SIGLEC15: variants seen among roughly 807,000 people sequenced by gnomAD.
SIGLEC15 encodes sialic acid-binding Ig-like lectin 15.
In SIGLEC15, 31 loss-of-function variants were observed where a neutral mutation model predicts 26.2. The observed-to-expected ratio is 1.18, with a 90% CI of 0.89 to 1.60. The LOEUF is 1.60. Ranked by LOEUF, SIGLEC15 falls within the 40% of genes most tolerant of loss-of-function variation. The pLI is 0.00. For missense variants in SIGLEC15, 501 were observed against 488.4 expected (o/e 1.03, Z -0.24); for synonymous variants, 207 against 221.9 (o/e 0.93, Z 0.60).
intron 5 of SIGLEC15, 82 bp downstream of exon 5, chr18:45,840,323 A>G: frequency 6.8e-7 from 1 of 1,474,778 alleles, no homozygotes; most frequent in Non-Finnish European, 9.3e-7. Flanking sequence ...AGGAGAAGGA[A>G]TAAATGGCAA....
intron 1 of SIGLEC15, among the ~76,000 whole-genome samples, chr18:45,827,725 A>G (rs866073636): frequency 2.6e-5 from 4 of 152,194 alleles, no homozygotes; most frequent in African/African-American, 9.6e-5. Flanking sequence ...ACGATAAATA[A>G]TGGCCATGAA....
intron 1 of SIGLEC15, among the ~76,000 whole-genome samples, chr18:45,836,466 C>T (rs2048276981): frequency 1.3e-5 from 2 of 152,090 alleles, no homozygotes; most frequent in Admixed American, 1.3e-4. Context: ...CCACCCCTGG[C>T]CTTATCCTCT....
At position 45,837,768 on chromosome 18, in the gene SIGLEC15, A is replaced by G; in HGVS notation, c.368A>G (p.Asn123Ser). 1.3e-6 allele frequency: 2 copies of G among 1,522,980 alleles called. No individual in the cohort carries two copies. Among genetic ancestry groups the G allele is most frequent in the Middle Eastern group, 4.4e-4 (2 of 4,544 alleles). 94.3% of individuals were successfully genotyped at this position (1,522,980 alleles called of 1,614,324 possible). The change falls in exon 3 of 6, where the codon AAC becomes AGC. Residue 123 changes from asparagine (N) to serine (S), a missense_variant. By Grantham distance (46) the Asn-to-Ser change is conservative (BLOSUM62 1). Transcript: ENST00000389474. Reference sequence around the variant, plus strand: ...CGGCTGCTGGGCAACCCGCGCCGCAACGACCTCTCGCTGCGCGTCGAGCGC... The same window carrying G: ...CGGCTGCTGGGCAACCCGCGCCGCAGCGACCTCTCGCTGCGCGTCGAGCGC... The part of the protein sequence containing the change: ...RFRLLGNPRR[N>S]DLSLRVERLA...
intron 5 of SIGLEC15, among the ~76,000 whole-genome samples, chr18:45,840,517 A>C (rs140370595): frequency 2.0e-5 from 3 of 152,298 alleles, no homozygotes; most frequent in African/African-American, 7.2e-5. Flanking sequence ...TTGAACAGGC[A>C]GATTCATACA....
intron 1 of SIGLEC15, among the ~76,000 whole-genome samples, chr18:45,836,298 C>T (rs2048275504): frequency 6.6e-6 from 1 of 152,136 alleles, no homozygotes; most frequent in African/African-American, 2.4e-5. Flanking sequence ...CTTTGAGGGT[C>T]ACATGACATG....
Position 45,837,634 on chromosome 18 carries a change from G to A in SIGLEC15, c.234G>A (p.Thr78=), listed in dbSNP as rs963231398. ...ACCGCCACTACGACGGGCCGCTGAC[G>A]GCCATCTGGCGCGCGGGCGAGCCCT... is the stretch of plus-strand genomic sequence containing the variant. ...HPHRHYDGPL[T]AIWRAGEPYA... Residue 78 remains threonine, a synonymous_variant, in exon 3 of 6, where the codon ACG becomes ACA. Coordinates refer to ENST00000389474, the MANE Select transcript of SIGLEC15 (RefSeq NM_213602.3). 8.0e-6 allele frequency: 12 copies of A among 1,507,412 alleles called. No homozygotes were observed. The highest frequency in any genetic ancestry group is 1.4e-5 in the African/African-American group (1 of 69,172). 93.4% of individuals were successfully genotyped at this position (1,507,412 alleles called of 1,614,324 possible).
At chr18:45,834,630 C>A (rs571933852) in intron 1 of SIGLEC15, among the ~76,000 whole-genome samples, 3 of 152,346 alleles carry the variant, frequency 2.0e-5, no homozygotes, top group Admixed American at 1.3e-4. Flanking sequence ...TATGTGCCTA[C>A]AAATCTGTCT....
intron 1 of SIGLEC15, among the ~76,000 whole-genome samples, chr18:45,832,862 CCACCCT>C (rs2048246716): frequency 6.6e-6 from 1 of 152,162 alleles, no homozygotes; most frequent in Non-Finnish European, 1.5e-5. Flanking sequence ...TGAGTCTTTC[CCACCCT>C]CACCCTGAGT....
intron 5 of SIGLEC15, 55 bp downstream of exon 5, chr18:45,840,296 AC>A: frequency 6.4e-7 from 1 of 1,558,812 alleles, no homozygotes; most frequent in Admixed American, 1.9e-5. Context: ...AGTCCTCATC[AC>A]CCAGGGGGTC....
Position 45,837,695 on chromosome 18 carries a change from C to G in SIGLEC15, c.295C>G (p.Arg99Gly), listed in dbSNP as rs764586239. 1.4e-6 allele frequency: 2 copies of G among 1,476,492 alleles called. No individual in the cohort carries two copies. Among genetic ancestry groups the G allele is most frequent in the Non-Finnish European group, 1.8e-6 (2 of 1,123,564 alleles). The allele number at this position is 1,476,492 out of a possible 1,614,324, so 91.5% of individuals were successfully genotyped here. A position where few individuals can be genotyped will look rare whatever the true frequency, so the allele number is the denominator to read the frequency against. ...GPQVFRCAAA[R>G]GSELCQTALS... is the part of the protein sequence containing the mutation. Reference sequence around the variant, plus strand: ...GCAGGTGTTCCGCTGCGCTGCGGCGCGGGGCAGCGAGCTCTGCCAGACGGC... The same window carrying G: ...GCAGGTGTTCCGCTGCGCTGCGGCGGGGGGCAGCGAGCTCTGCCAGACGGC... Residue 99 changes from arginine to glycine, a missense_variant, in exon 3 of 6, where the codon CGG (arginine) becomes GGG (glycine). By Grantham distance (125) the Arg-to-Gly change is moderately radical. Transcript: ENST00000389474.
At chr18:45,839,682 G>A (rs1313233508) in intron 4 of SIGLEC15, among the ~76,000 whole-genome samples, 1 of 152,116 alleles carries the variant, frequency 6.6e-6, no homozygotes, top group Non-Finnish European at 1.5e-5. Context: ...ATAAAAATAT[G>A]TAAGTAGGCA....
chr18:45,840,287 G>C, intron 5 of SIGLEC15, 46 bp downstream of exon 5: 1 of 1,588,406 alleles, frequency 6.3e-7, no homozygotes, highest in Non-Finnish European at 8.6e-7. Flanking sequence ...CACCCACCTA[G>C]TCCTCATCAC....
chr18:45,831,256 C>T (rs2048232903), intron 1 of SIGLEC15, among the ~76,000 whole-genome samples: 2 of 152,218 alleles, frequency 1.3e-5, no homozygotes, highest in Admixed American at 1.3e-4. Flanking sequence ...CTTCTGGGTT[C>T]ACTCCTTCTC....
intron 5 of SIGLEC15, among the ~76,000 whole-genome samples, chr18:45,841,362 G>A (rs1472071461): frequency 7.2e-5 from 11 of 152,166 alleles, no homozygotes; most frequent in Admixed American, 7.2e-4. Flanking sequence ...AAAGACTCAG[G>A]TGAGGCCCAG....
intron 4 of SIGLEC15, among the ~76,000 whole-genome samples, chr18:45,839,909 C>T (rs2048310615): frequency 6.6e-6 from 1 of 152,106 alleles, no homozygotes. Flanking sequence ...GTCACAGTGG[C>T]CCTGGCTGCT....
intron 1 of SIGLEC15, among the ~76,000 whole-genome samples, chr18:45,827,518 T>C (rs1225172913): frequency 6.6e-6 from 1 of 152,024 alleles, no homozygotes; most frequent in Non-Finnish European, 1.5e-5. Context: ...GTTGAGGGTG[T>C]GGATGTTGGC....
Position 45,840,169 on chromosome 18 carries a change from C to T in SIGLEC15, c.875-42C>T, listed in dbSNP as rs368718179. Reference sequence around the variant, plus strand: ...GGGTGGGCGCACAGGCTGCAGACTGCGGTGGAGATTCATGCCTGCTCTCTT... The same window carrying T: ...GGGTGGGCGCACAGGCTGCAGACTGTGGTGGAGATTCATGCCTGCTCTCTT... On this transcript the variant is annotated intron_variant, in intron 4 of 5. Transcript: ENST00000389474. 1.2e-5 allele frequency: 19 copies of T among 1,609,332 alleles called. 1 individual carries two copies. Among genetic ancestry groups the T allele is most frequent in the Admixed American group, 1.2e-4 (7 of 59,536 alleles).
intron 1 of SIGLEC15, among the ~76,000 whole-genome samples, chr18:45,833,316 T>TTTA (rs1027343626): frequency 7.2e-5 from 11 of 151,892 alleles, no homozygotes; most frequent in African/African-American, 2.7e-4. Flanking sequence ...TTTTATTTAT[T>TTTA]TTATTATTAT....
At chr18:45,826,896 G>A (rs1166250079) in intron 1 of SIGLEC15, among the ~76,000 whole-genome samples, 2 of 152,136 alleles carry the variant, frequency 1.3e-5, no homozygotes, top group Non-Finnish European at 1.5e-5. Context: ...AAAACCCTAT[G>A]AGAAAGGAAC....
Sources: gnomAD v4.1 joint callset for allele counts (sites outside exome capture counted in the v4.1 genomes callset) on GRCh38, gnomAD v4.1.1 for gene constraint, MANE v1.5 for transcripts, NCBI Gene and HGNC (gene_info 2026-07-23, HGNC 2026-07-21) for gene names.